The following SLC8A3 variants were observed in gnomAD, a reference collection of about 807,000 sequenced individuals.
SLC8A3 encodes solute carrier family 8 member A3, also known as sodium/calcium exchanger 3.
In SLC8A3, 37 loss-of-function variants were observed where a neutral mutation model predicts 65.4. The ratio of observed to expected loss-of-function variants is 0.57; its 90% CI spans 0.44 to 0.74. The LOEUF (loss-of-function observed/expected upper bound fraction) is 0.74, where lower values mean the gene tolerates loss of function less well. Ranked by LOEUF, SLC8A3 falls within the 30% of genes least tolerant of loss-of-function variation. The probability of loss-of-function intolerance (pLI) is 0.00; values close to 1 mark genes in which losing one functional copy is unlikely to be tolerated. For missense variants in SLC8A3, 1,112 were observed against 1,172.1 expected (o/e 0.95, Z 0.75); for synonymous variants, 461 against 444.5 (o/e 1.04, Z -0.47).
At chr14:70,141,098 G>C (rs560978268) in intron 2 of SLC8A3, among the ~76,000 whole-genome samples, 1 of 152,198 alleles carries the variant, frequency 6.6e-6, no homozygotes, top group Admixed American at 6.5e-5. Context: ...CTGATTTATC[G>C]AGTACTTACT....
chr14:70,073,535 A>G (rs186089535), intron 2 of SLC8A3, among the ~76,000 whole-genome samples: 28 of 152,326 alleles, frequency 1.8e-4, no homozygotes, highest in African/African-American at 6.7e-4. Flanking sequence ...TGTGCCCTGA[A>G]GTTGATAAAT....
At chr14:70,063,757 T>C in intron 2 of SLC8A3, 1 of 876,312 alleles carries the variant, frequency 1.1e-6, no homozygotes, top group Non-Finnish European at 1.9e-6. Context: ...ACAAATGGGT[T>C]GGAGAGGAAG....
chr14:70,068,480 C>A (rs567611491), intron 2 of SLC8A3, among the ~76,000 whole-genome samples: 87 of 152,096 alleles, frequency 5.7e-4, no homozygotes, highest in Non-Finnish European at 1.1e-3. Flanking sequence ...TGTGCTCAGG[C>A]CGTCCTCCTG....
chr14:70,143,820 T>A (rs1394274614), intron 2 of SLC8A3, among the ~76,000 whole-genome samples: 3 of 152,142 alleles, frequency 2.0e-5, no homozygotes, highest in Non-Finnish European at 4.4e-5. Flanking sequence ...AGCAGCTCTA[T>A]TCCCCTCTAC....
Position 70,175,736 on chromosome 14 carries a change from T to C in SLC8A3, c.-62-7252A>G, listed in dbSNP as rs12894331. Among the ~76,000 whole-genome samples the C allele has an allele frequency of 7.7e-3, 1,056 of 137,184 alleles. 29 individuals carry two copies. The highest frequency in any genetic ancestry group is 0.065 in the Admixed American group (880 of 13,638). The allele number at this position is 137,184 out of a possible 152,430, so 90.0% of individuals were successfully genotyped here. On this transcript the variant is annotated intron_variant, in intron 1 of 6. Coordinates refer to ENST00000356921, the MANE Select transcript of SLC8A3 (RefSeq NM_182932.3). ...GTCAATATAGGGAAGCTTTTTTTTTTCTTTTTTTTTTTTTTTGAGAGGCAG... is the reference window on the plus strand; with the variant it reads ...GTCAATATAGGGAAGCTTTTTTTTTCCTTTTTTTTTTTTTTTGAGAGGCAG...
At chr14:70,169,024 C>T (rs187349698) in intron 1 of SLC8A3, among the ~76,000 whole-genome samples, 74 of 152,282 alleles carry the variant, frequency 4.9e-4, no homozygotes, top group African/African-American at 1.8e-3. Context: ...CAGGATTATA[C>T]CAAGTGACTG....
At chr14:70,073,241 C>A (rs1890173415) in intron 2 of SLC8A3, among the ~76,000 whole-genome samples, 1 of 152,132 alleles carries the variant, frequency 6.6e-6, no homozygotes, top group Non-Finnish European at 1.5e-5. Flanking sequence ...GAGGGAGGAT[C>A]TGGCCTTCTT....
intron 2 of SLC8A3, among the ~76,000 whole-genome samples, chr14:70,094,055 G>A (rs928055624): frequency 6.6e-6 from 1 of 152,238 alleles, no homozygotes; most frequent in African/African-American, 2.4e-5. Flanking sequence ...GGCCAGGGGA[G>A]CCCCATCTAG....
At chr14:70,114,283 A>G (rs968004380) in intron 2 of SLC8A3, among the ~76,000 whole-genome samples, 1 of 152,126 alleles carries the variant, frequency 6.6e-6, no homozygotes, top group African/African-American at 2.4e-5. Flanking sequence ...GGACATTAGG[A>G]TAGTTTGGTT....
chr14:70,046,046 A>G lies in SLC8A3; in HGVS notation c.2667T>C (p.Arg889=), dbSNP rs776236351. ...GCCATGTTGTGGCGAGCTTGCAGCC[A>G]CGGGGGCCACCAAGCTCCCCTCCCA... ...PHLGGELGGP[R]GCKLATTWLF... The change falls in exon 7 of 7, where the codon CGT becomes CGC. Residue 889 remains arginine, a synonymous_variant. Coordinates refer to ENST00000356921, the MANE Select transcript of SLC8A3 (RefSeq NM_182932.3). This position sits in a 1 kb window ranked among gnomAD's most constrained non-coding sequence, Gnocchi z 4.2. 21 of 1,614,024 alleles carry G rather than the reference A, an allele frequency of 1.3e-5. 1 individual carries two copies. In the South Asian group the frequency reaches 2.3e-4, roughly 18 times the overall value.
At chr14:70,067,934 T>C (rs898540087) in intron 2 of SLC8A3, among the ~76,000 whole-genome samples, 1 of 152,190 alleles carries the variant, frequency 6.6e-6, no homozygotes, top group Non-Finnish European at 1.5e-5. Context: ...GAGCCAGTAA[T>C]GCTGTCAGAG....
chr14:70,129,132 C>T (rs1251592326), intron 2 of SLC8A3, among the ~76,000 whole-genome samples: 1 of 152,170 alleles, frequency 6.6e-6, no homozygotes, highest in African/African-American at 2.4e-5. Context: ...ATACCCAAGC[C>T]CATCTCAGAT....
intron 2 of SLC8A3, among the ~76,000 whole-genome samples, chr14:70,104,089 A>G (rs940367489): frequency 3.9e-5 from 6 of 152,100 alleles, no homozygotes; most frequent in Admixed American, 6.5e-5. Context: ...AGATACAACA[A>G]TCATGAATGT....
chr14:70,140,818 G>A (rs1895517170), intron 2 of SLC8A3, among the ~76,000 whole-genome samples: 1 of 145,624 alleles, frequency 6.9e-6, no homozygotes, highest in Non-Finnish European at 1.5e-5. Context: ...GCAGCACCTG[G>A]CATTTACCAC....
intron 3 of SLC8A3, among the ~76,000 whole-genome samples, chr14:70,053,838 C>A (rs1306756749): frequency 3.9e-5 from 6 of 152,116 alleles, no homozygotes; most frequent in African/African-American, 1.4e-4. Flanking sequence ...GAGTCACATG[C>A]CTTTAAGTTA....
chr14:70,174,565 G>C (rs947399731), intron 1 of SLC8A3, among the ~76,000 whole-genome samples: 5 of 151,614 alleles, frequency 3.3e-5, no homozygotes, highest in Non-Finnish European at 7.4e-5. Flanking sequence ...AATAAGCTAG[G>C]AGGGGGTGGT....
At chr14:70,157,160 C>T (rs994713455) in intron 2 of SLC8A3, among the ~76,000 whole-genome samples, 1 of 152,174 alleles carries the variant, frequency 6.6e-6, no homozygotes, top group Admixed American at 6.5e-5. Context: ...GCCTACCGCC[C>T]CAGTACAGGC....
At chr14:70,096,187 A>G (rs189974986) in intron 2 of SLC8A3, among the ~76,000 whole-genome samples, 9 of 152,248 alleles carry the variant, frequency 5.9e-5, no homozygotes. Context: ...TGGCCCCCAT[A>G]TATCTTATAT....
chr14:70,132,305 G>A (rs1325215416), intron 2 of SLC8A3, among the ~76,000 whole-genome samples: 1 of 152,196 alleles, frequency 6.6e-6, no homozygotes, highest in African/African-American at 2.4e-5. Context: ...TAATATTTGG[G>A]AGCCCATCCC....
Sources: allele counts gnomAD v4.1 joint callset (sites outside exome capture counted in the v4.1 genomes callset), GRCh38; gene constraint gnomAD v4.1.1; non-coding constraint Gnocchi (gnomAD v3.1); transcripts MANE v1.5; gene names NCBI Gene and HGNC (gene_info 2026-07-23, HGNC 2026-07-21).